Variants in MRTFB observed in about 807,000 individuals in gnomAD.
MRTFB encodes myocardin-related transcription factor B.
A neutral mutation model predicts 104.2 loss-of-function variants in MRTFB; 29 were observed. The observed-to-expected ratio is 0.28, with a 90% confidence interval of 0.21 to 0.38. The LOEUF (loss-of-function observed/expected upper bound fraction) is 0.38. Ranked by LOEUF, MRTFB falls within the 10% of genes least tolerant of loss-of-function variation. The pLI, the probability that MRTFB is intolerant of heterozygous loss-of-function variation, is 1.00. For missense variants in MRTFB, 1,270 were observed against 1,341.6 expected (o/e 0.95, Z 0.83); for synonymous variants, 535 against 519.5 (o/e 1.03, Z -0.41).
At chr16:14,221,769 ATTTCT>A (rs1459313097) in intron 8 of MRTFB, among the ~76,000 whole-genome samples, 1 of 107,114 alleles carries the variant, frequency 9.3e-6, no homozygotes, top group African/African-American at 3.3e-5. Flanking sequence ...TTTTTTAGAT[ATTTCT>A]TTCCTTTTTT....
chr16:14,252,391 A>C lies in MRTFB; in HGVS notation c.2592A>C (p.Gln864His). The C allele has an allele frequency of 6.2e-7, 1 of 1,611,842 alleles. No homozygotes were observed. Among genetic ancestry groups the C allele is most frequent in the Non-Finnish European group, 8.5e-7 (1 of 1,179,080 alleles). Reference protein sequence around the residue: ...NKPSSPPPPQQFVVQHSLFGS... With the variant: ...NKPSSPPPPQHFVVQHSLFGS... The stretch of plus-strand genomic sequence containing the variant: ...CTAGTTCACCCCCGCCACCCCAGCA[A>C]TTTGTCGTCCAGCACTCTCTATTTG... Residue 864 changes from glutamine (Q) to histidine (H), a missense_variant, in exon 15 of 17, where the codon CAA (glutamine) becomes CAC (histidine). Coordinates refer to ENST00000571589, the MANE Select transcript of MRTFB (RefSeq NM_001308142.2).
At chr16:14,159,024 C>G (rs2142877621) in intron 3 of MRTFB, among the ~76,000 whole-genome samples, 1 of 151,666 alleles carries the variant, frequency 6.6e-6, no homozygotes, top group East Asian at 1.9e-4. Flanking sequence ...GCCTGTGGTC[C>G]CAGCTACTTA....
chr16:14,216,314 C>T (rs1335158564), intron 6 of MRTFB, among the ~76,000 whole-genome samples: 5 of 152,214 alleles, frequency 3.3e-5, no homozygotes, highest in African/African-American at 1.2e-4. Context: ...GCTTAAGAGG[C>T]AAGCAACTTT....
chr16:14,236,625 G>A, intron 9 of MRTFB, among the ~76,000 whole-genome samples: 1 of 152,150 alleles, frequency 6.6e-6, no homozygotes, highest in East Asian at 1.9e-4. Flanking sequence ...AAAGAATTGA[G>A]GGTGTGAGCC....
the MRTFB span, among the ~76,000 whole-genome samples, chr16:14,061,159 A>G: frequency 2.0e-5 from 3 of 152,152 alleles, no homozygotes; most frequent in Non-Finnish European, 4.4e-5. Context: ...AAAAAAACAA[A>G]AAAAAACACC....
chr16:14,100,184 A>T (rs2035623411), intron 2 of MRTFB, among the ~76,000 whole-genome samples: 1 of 147,724 alleles, frequency 6.8e-6, no homozygotes, highest in African/African-American at 2.7e-5. Flanking sequence ...CTTGTTCCTC[A>T]TATTAAAGGG....
At chr16:14,113,977 G>A (rs1171278967) in intron 2 of MRTFB, among the ~76,000 whole-genome samples, 1 of 152,136 alleles carries the variant, frequency 6.6e-6, no homozygotes, top group Admixed American at 6.5e-5. Flanking sequence ...TTAAAAGTCT[G>A]TTAACTCTGA....
At chr16:14,195,325 C>T (rs2040385200) in intron 3 of MRTFB, among the ~76,000 whole-genome samples, 1 of 152,162 alleles carries the variant, frequency 6.6e-6, no homozygotes. Context: ...GGTCCATCAT[C>T]GTCTGGATCA....
At chr16:14,043,089 A>G in the MRTFB span, among the ~76,000 whole-genome samples, 1 of 152,314 alleles carries the variant, frequency 6.6e-6, no homozygotes, top group South Asian at 2.1e-4. Context: ...GGCTCCTTGG[A>G]AAAGCAAACT....
chr16:14,007,952 T>C, the MRTFB span, among the ~76,000 whole-genome samples: 1 of 152,248 alleles, frequency 6.6e-6, no homozygotes, highest in Non-Finnish European at 1.5e-5. Context: ...GTGGTAATCA[T>C]TCTTTATAGA....
intron 3 of MRTFB, among the ~76,000 whole-genome samples, chr16:14,161,703 T>C (rs2039044358): frequency 6.6e-6 from 1 of 152,272 alleles, no homozygotes; most frequent in South Asian, 2.1e-4. Flanking sequence ...CAGAAGACTC[T>C]TCTTTAGCAT....
chr16:14,036,048 G>C, the MRTFB span, among the ~76,000 whole-genome samples: 1 of 145,540 alleles, frequency 6.9e-6, no homozygotes, highest in Non-Finnish European at 1.5e-5. Flanking sequence ...TGCTGCAAAT[G>C]CCATTAATTC....
chr16:14,208,151 C>G (rs226781), intron 3 of MRTFB, among the ~76,000 whole-genome samples: 9,169 of 152,260 alleles, frequency 0.06, 511 homozygotes, highest in East Asian at 0.29. Flanking sequence ...ACCTTTCTTT[C>G]CATGTTAGCA....
chr16:14,220,794 C>T (rs1213672426), intron 8 of MRTFB, among the ~76,000 whole-genome samples: 1 of 152,054 alleles, frequency 6.6e-6, no homozygotes, highest in Non-Finnish European at 1.5e-5. Flanking sequence ...TCAACTAGGG[C>T]GATGGGAGAA....
intron 15 of MRTFB, among the ~76,000 whole-genome samples, chr16:14,257,235 C>G (rs570812506): frequency 1.3e-5 from 2 of 152,184 alleles, no homozygotes; most frequent in Admixed American, 1.3e-4. Flanking sequence ...CCGGTCATTC[C>G]ACTCCTAATT....
the MRTFB span, among the ~76,000 whole-genome samples, chr16:14,053,173 A>T: frequency 2.0e-5 from 3 of 152,058 alleles, no homozygotes; most frequent in Admixed American, 1.3e-4. Context: ...TGATCCTCCC[A>T]CGTCGACCTC....
At chr16:14,138,587 G>C (rs1163283834) in intron 2 of MRTFB, among the ~76,000 whole-genome samples, 1 of 152,124 alleles carries the variant, frequency 6.6e-6, no homozygotes, top group Non-Finnish European at 1.5e-5. Flanking sequence ...TCTTTTCTTT[G>C]GTGGGCCGCA....
At chr16:14,230,152 C>T (rs963274030) in intron 8 of MRTFB, among the ~76,000 whole-genome samples, 3 of 151,998 alleles carry the variant, frequency 2.0e-5, no homozygotes, top group African/African-American at 7.2e-5. Context: ...TAAAGACTTA[C>T]ATGTTAGACC....
At chr16:14,172,861 T>C (rs1313498651) in intron 3 of MRTFB, among the ~76,000 whole-genome samples, 1 of 152,216 alleles carries the variant, frequency 6.6e-6, no homozygotes, top group African/African-American at 2.4e-5. Context: ...TTTTGAACTT[T>C]TCAATTTTTA....
Sources: gnomAD v4.1 joint callset for allele counts (sites outside exome capture counted in the v4.1 genomes callset) on GRCh38, gnomAD v4.1.1 for gene constraint, MANE v1.5 for transcripts, NCBI Gene and HGNC (gene_info 2026-07-23, HGNC 2026-07-21) for gene names.